Variants in CNTN6 observed in about 807,000 individuals in gnomAD.
CNTN6 encodes the protein contactin 6.
In CNTN6, 137 loss-of-function variants were observed where a neutral mutation model predicts 122.8. The ratio of observed to expected loss-of-function variants is 1.12; its 90% confidence interval spans 0.97 to 1.29. The LOEUF (loss-of-function observed/expected upper bound fraction) is 1.29. Ranked by LOEUF, CNTN6 falls within the 50% of genes most tolerant of loss-of-function variation. The pLI is 0.00. For missense variants in CNTN6, 1,634 were observed against 1,223.4 expected (o/e 1.34, Z -5.01); for synonymous variants, 570 against 426.0 (o/e 1.34, Z -4.16).
intron 4 of CNTN6, among the ~76,000 whole-genome samples, chr3:1,241,876 G>T (rs1292271504): frequency 2.0e-5 from 3 of 152,240 alleles, no homozygotes; most frequent in Non-Finnish European, 4.4e-5. Context: ...AAGTATTAAA[G>T]CAGCAGCAGC....
intron 2 of CNTN6, among the ~76,000 whole-genome samples, chr3:1,157,588 T>C (rs2093003946): frequency 6.6e-6 from 1 of 152,292 alleles, no homozygotes; most frequent in South Asian, 2.1e-4. Flanking sequence ...AATACTAGCT[T>C]TTATTTTTTC....
intron 4 of CNTN6, among the ~76,000 whole-genome samples, chr3:1,254,337 A>G (rs970151483): frequency 4.6e-5 from 7 of 152,102 alleles, no homozygotes; most frequent in Admixed American, 2.6e-4. Context: ...TTCACTCTAC[A>G]TTCAGTTTTT....
At chr3:1,159,881 C>T (rs1260336256) in intron 2 of CNTN6, among the ~76,000 whole-genome samples, 3 of 151,902 alleles carry the variant, frequency 2.0e-5, no homozygotes, top group Non-Finnish European at 4.4e-5. Context: ...AGTACAGTGG[C>T]GCGGTCTCAG....
intron 2 of CNTN6, among the ~76,000 whole-genome samples, chr3:1,155,913 G>A (rs934575439): frequency 2.0e-5 from 3 of 152,138 alleles, no homozygotes; most frequent in Non-Finnish European, 2.9e-5. Flanking sequence ...ACTTCATAAA[G>A]CACGGCTGAT....
intron 4 of CNTN6, among the ~76,000 whole-genome samples, chr3:1,230,586 G>T (rs186576559): frequency 6.6e-6 from 1 of 152,142 alleles, no homozygotes; most frequent in South Asian, 2.1e-4. Context: ...TAATACATGT[G>T]CTTTGACATA....
chr3:1,141,266 T>G (rs1559385747), intron 1 of CNTN6, among the ~76,000 whole-genome samples: 1 of 152,196 alleles, frequency 6.6e-6, no homozygotes, highest in Non-Finnish European at 1.5e-5. Flanking sequence ...AAAAGGGCAA[T>G]TAGTGCTGCA....
intron 4 of CNTN6, among the ~76,000 whole-genome samples, chr3:1,229,418 C>G (rs2094326094): frequency 6.6e-6 from 1 of 152,002 alleles, no homozygotes. Flanking sequence ...AAATTTGACT[C>G]TTTGGTAAAG....
chr3:1,167,159 A>G (rs1011465447), intron 2 of CNTN6, among the ~76,000 whole-genome samples: 1 of 152,150 alleles, frequency 6.6e-6, no homozygotes, highest in Non-Finnish European at 1.5e-5. Flanking sequence ...AAAAACAAAC[A>G]AACAAACAAA....
chr3:1,334,722 G>T (rs769205157), intron 11 of CNTN6, among the ~76,000 whole-genome samples: 4 of 151,956 alleles, frequency 2.6e-5, no homozygotes, highest in Non-Finnish European at 5.9e-5. Flanking sequence ...TGAAGGCACC[G>T]AGCACCATTC....
intron 2 of CNTN6, among the ~76,000 whole-genome samples, chr3:1,164,266 C>T (rs2093198454): frequency 6.6e-6 from 1 of 152,238 alleles, no homozygotes; most frequent in Non-Finnish European, 1.5e-5. Flanking sequence ...AAACGCTTCC[C>T]CTTCACATGC....
At chr3:1,207,772 A>G (rs1209772636) in intron 2 of CNTN6, among the ~76,000 whole-genome samples, 4 of 152,056 alleles carry the variant, frequency 2.6e-5, no homozygotes, top group Non-Finnish European at 5.9e-5. Flanking sequence ...TAATCCCACA[A>G]ATAAATGATT....
chr3:1,268,573 C>CCGCAG (rs2094966562), intron 4 of CNTN6, among the ~76,000 whole-genome samples: 1 of 135,806 alleles, frequency 7.4e-6, no homozygotes, highest in Non-Finnish European at 1.6e-5. Flanking sequence ...AGCCACTGCA[C>CCGCAG]TCCAGCCTGG....
intron 12 of CNTN6, among the ~76,000 whole-genome samples, chr3:1,358,362 G>A (rs377362546): frequency 2.6e-5 from 4 of 151,592 alleles, no homozygotes; most frequent in African/African-American, 7.3e-5. Flanking sequence ...AATTTACCTT[G>A]ACTCTATTCT....
intron 1 of CNTN6, among the ~76,000 whole-genome samples, chr3:1,121,363 T>A (rs1024341830): frequency 4.6e-5 from 7 of 151,914 alleles, no homozygotes; most frequent in African/African-American, 1.7e-4. Flanking sequence ...ACATCAGTAT[T>A]CCATAGCTCC....
intron 12 of CNTN6, among the ~76,000 whole-genome samples, chr3:1,367,076 G>A (rs1306480028): frequency 2.0e-5 from 3 of 152,086 alleles, no homozygotes; most frequent in African/African-American, 7.2e-5. Flanking sequence ...GGGATATAAT[G>A]TGATATTTTG....
chr3:1,274,193 G>A (rs1333663875), intron 4 of CNTN6, among the ~76,000 whole-genome samples: 1 of 152,036 alleles, frequency 6.6e-6, no homozygotes, highest in Non-Finnish European at 1.5e-5. Flanking sequence ...AAGCTTATTA[G>A]GCTGATTTTT....
intron 5 of CNTN6, among the ~76,000 whole-genome samples, chr3:1,294,045 C>A (rs1280053444): frequency 1.3e-5 from 2 of 152,086 alleles, no homozygotes; most frequent in East Asian, 1.9e-4. Context: ...TTAAAAAATT[C>A]TTTTGTCATT....
intron 11 of CNTN6, among the ~76,000 whole-genome samples, chr3:1,347,527 C>T (rs1366653206): frequency 1.3e-5 from 2 of 152,062 alleles, no homozygotes; most frequent in Admixed American, 1.3e-4. Flanking sequence ...CAAGGAGAGT[C>T]TGGGGACTGA....
At chr3:1,192,733 A>G (rs750054394) in intron 2 of CNTN6, among the ~76,000 whole-genome samples, 7 of 152,158 alleles carry the variant, frequency 4.6e-5, no homozygotes, top group Non-Finnish European at 1.0e-4. Flanking sequence ...GTGCTCATAT[A>G]TGTATAAATA....
Sources: gnomAD v4.1 joint callset for allele counts (sites outside exome capture counted in the v4.1 genomes callset) on GRCh38, gnomAD v4.1.1 for gene constraint, MANE v1.5 for transcripts, NCBI Gene and HGNC (gene_info 2026-07-23, HGNC 2026-07-21) for gene names.